Variants in ADCY7 observed in about 807,000 individuals in gnomAD.
ADCY7 encodes the protein adenylate cyclase 7.
ADCY7 carries 72 observed loss-of-function variants against 120.6 expected under a neutral mutation model. That is an observed-to-expected ratio of 0.60 (90% CI 0.49 to 0.73). The LOEUF (loss-of-function observed/expected upper bound fraction) is 0.73, where lower values mean the gene tolerates loss of function less well. ADCY7 is among the 30% of genes least tolerant of loss of function. ADCY7 has a pLI of 0.00. For synonymous variants in ADCY7, 661 were observed against 628.0 expected, an observed-to-expected ratio of 1.05 and a Z score of -0.78; for missense variants, 1,227 against 1,486.0, an observed-to-expected ratio of 0.83 and a Z score of 2.87.
chr16:50,245,827 G>C (rs370880127), upstream of ADCY7, among the ~76,000 whole-genome samples: 28 of 152,090 alleles, frequency 1.8e-4, no homozygotes, highest in African/African-American at 5.6e-4. Flanking sequence ...CCGGCCTGGC[G>C]CTCCCCAGCA....
intron 21 of ADCY7, 50 bp from the exon 22 acceptor site, chr16:50,312,840 T>C (rs760618439): frequency 3.0e-5 from 37 of 1,228,650 alleles, no homozygotes; most frequent in Middle Eastern, 2.4e-4. Context: ...CCACTCTTCC[T>C]GTCCCCTCAA....
intron 1 of ADCY7, among the ~76,000 whole-genome samples, chr16:50,286,346 C>T (rs887643936): frequency 2.7e-5 from 4 of 146,742 alleles, no homozygotes; most frequent in African/African-American, 1.0e-4. Flanking sequence ...GGAGGATTGC[C>T]TGAGCCCTGG....
intron 1 of ADCY7, among the ~76,000 whole-genome samples, chr16:50,274,623 C>T (rs2033770711): frequency 1.3e-5 from 2 of 152,110 alleles, no homozygotes; most frequent in Admixed American, 6.5e-5. Context: ...GGGCACTTTG[C>T]GAGCTGGTGT....
chr16:50,256,307 C>T (rs1016096978), intron 1 of ADCY7, among the ~76,000 whole-genome samples: 2 of 152,164 alleles, frequency 1.3e-5, no homozygotes, highest in Non-Finnish European at 2.9e-5. Context: ...AAATGACCAA[C>T]AGGTATACAA....
chr16:50,261,392 G>A (rs2033053458), intron 1 of ADCY7, among the ~76,000 whole-genome samples: 1 of 152,204 alleles, frequency 6.6e-6, no homozygotes. Context: ...TGGGTAGCAG[G>A]TGGAGGCAGA....
chr16:50,303,817 A>C (rs1191239991), intron 10 of ADCY7, among the ~76,000 whole-genome samples: 1 of 151,378 alleles, frequency 6.6e-6, no homozygotes, highest in East Asian at 1.9e-4. Flanking sequence ...TGGCTTGGCC[A>C]TTTCTCGGGG....
Position 50,307,090 on chromosome 16 carries a change from C to CCTGCGCCAGCCTGATCTTCGT in ADCY7, c.1798_1818dup (p.Ala600_Cys606dup). ...ATCCCCCGGGCCCGCCACGACTTTG[C>CCTGCGCCAGCCTGATCTTCGT]CTGCGCCAGCCTGATCTTCGTCTGC... is the stretch of plus-strand genomic sequence containing the variant. On this transcript the variant is annotated inframe_insertion, in exon 15 of 26. Transcript: ENST00000673801. 1 of 1,611,598 alleles carries CCTGCGCCAGCCTGATCTTCGT rather than the reference C, an allele frequency of 6.2e-7. No homozygotes were observed. Among genetic ancestry groups the CCTGCGCCAGCCTGATCTTCGT allele is most frequent in the Non-Finnish European group, 8.5e-7 (1 of 1,179,974 alleles).
chr16:50,291,850 TC>T lies in ADCY7; in HGVS notation c.491del (p.Ser164PhefsTer2). The part of the protein sequence containing the change: ...STASHLLVLG[S>X]LMGGFTTPSV... ...TGCCTCCCACCTCCTGGTGCTCGGT[TC>T]TTTGATGGGAGGCTTCACGACACCC... On this transcript the variant is annotated frameshift_variant, in exon 4 of 26. Transcript: ENST00000673801. LOFTEE classifies it high-confidence loss of function. 6.2e-7 allele frequency: 1 copy of T among 1,613,932 alleles called. No individual in the cohort carries two copies. Among genetic ancestry groups the T allele is most frequent in the Non-Finnish European group, 8.5e-7 (1 of 1,179,878 alleles).
chr16:50,287,993 A>C lies in ADCY7; in HGVS notation c.-187A>C. ...GGCACAGTGAGTGAGGCCTGGTGCC[A>C]GAGCTGTGCGGACCCCTTGTTGGCC... On this transcript the variant is annotated 5_prime_UTR_variant, in exon 2 of 26. Transcript: ENST00000673801. 3.5e-6 allele frequency: 2 copies of C among 578,636 alleles called. No homozygotes were observed. Among genetic ancestry groups the C allele is most frequent in the Non-Finnish European group, 2.9e-6 (1 of 348,136 alleles). The allele number at this position is 578,636 out of a possible 1,614,324, so 35.8% of individuals were successfully genotyped here. A position where few individuals can be genotyped will look rare whatever the true frequency, so the allele number is the denominator to read the frequency against.
rs762114534 is a variant in ADCY7, at chr16:50,304,974, C to T, written c.1595+15C>T. The T allele has an allele frequency of 2.5e-6, 4 of 1,613,024 alleles. No homozygotes were observed. In the African/African-American group the frequency reaches 5.3e-5, roughly 22 times the overall value. On this transcript the variant is annotated intron_variant, in intron 12 of 25. Transcript: ENST00000673801. ...ACCCCAGACAGGTGCGTGCCCTGCC[C>T]TCCTGGCCAAGTCCTGCTGCAGCCA...
At chr16:50,300,664 C>G (rs1464644517) in intron 8 of ADCY7, 51 bp from the exon 9 acceptor site, 1 of 1,542,812 alleles carries the variant, frequency 6.5e-7, no homozygotes, top group Admixed American at 2.0e-5. Flanking sequence ...GGAGCTTCAG[C>G]CTGTCCCAGG....
intron 1 of ADCY7, among the ~76,000 whole-genome samples, chr16:50,254,713 G>T (rs1383226926): frequency 6.6e-6 from 1 of 152,110 alleles, no homozygotes; most frequent in East Asian, 1.9e-4. Flanking sequence ...GCTATTCAAT[G>T]CAGCCTTTGT....
Position 50,294,690 on chromosome 16 carries a change from C to G in ADCY7, c.887C>G (p.Ser296Cys). The change falls in exon 7 of 26, where the codon TCT becomes TGT. Residue 296 changes from serine to cysteine, a missense_variant. Physicochemically the swap from Ser to Cys is moderately radical, Grantham distance 112. Around this residue, in one of 5 missense-constraint regions of ADCY7, gnomAD observed 382 missense variants for 411.4 expected, o/e 0.93. Coordinates refer to ENST00000673801, the MANE Select transcript of ADCY7 (RefSeq NM_001114.5). ...VGFTQLASDCSPKELVVVLNE... is the reference protein window; with the variant it reads ...VGFTQLASDCCPKELVVVLNE... ...TTCACGCAGCTGGCCAGCGACTGTT[C>G]TCCCAAGGAGCTGGTGGTGGTGCTG... 6.3e-7 allele frequency: 1 copy of G among 1,583,432 alleles called. No homozygotes were observed. Among genetic ancestry groups the G allele is most frequent in the Non-Finnish European group, 8.6e-7 (1 of 1,158,072 alleles).
chr16:50,272,813 G>A (rs1374071965), intron 1 of ADCY7, among the ~76,000 whole-genome samples: 1 of 152,160 alleles, frequency 6.6e-6, no homozygotes, highest in Admixed American at 6.5e-5. Context: ...CCCCAGGCCT[G>A]TCTCCGGTAC....
chr16:50,245,322 C>A (rs915160640), upstream of ADCY7, among the ~76,000 whole-genome samples: 2 of 152,170 alleles, frequency 1.3e-5, no homozygotes, highest in Non-Finnish European at 2.9e-5. Flanking sequence ...GAAGTGGGAA[C>A]CCCCAATTCC....
At chr16:50,283,189 G>A (rs1282997917) in intron 1 of ADCY7, among the ~76,000 whole-genome samples, 1 of 152,224 alleles carries the variant, frequency 6.6e-6, no homozygotes, top group East Asian at 1.9e-4. Context: ...GAGACTCTTG[G>A]TTGCGAGTGA....
At chr16:50,308,542 C>T in intron 16 of ADCY7, 125 bp from the exon 17 acceptor site, 5 of 1,553,108 alleles carry the variant, frequency 3.2e-6, no homozygotes, top group South Asian at 1.2e-5. Context: ...TCTCTCCTGC[C>T]TCGGGGACAA....
chr16:50,305,207 GA>G (rs2035979827), intron 12 of ADCY7, among the ~76,000 whole-genome samples: 1 of 152,244 alleles, frequency 6.6e-6, no homozygotes, highest in Non-Finnish European at 1.5e-5. Context: ...CGGTGGAAGG[GA>G]AGGAGATGAC....
intron 6 of ADCY7, 139 bp downstream of exon 6, chr16:50,293,641 G>T: frequency 9.4e-7 from 1 of 1,066,054 alleles, no homozygotes; most frequent in Non-Finnish European, 1.3e-6. Context: ...CATGGTTCCA[G>T]GTCAATCTGG....
Sources: gnomAD v4.1 joint callset for allele counts (sites outside exome capture counted in the v4.1 genomes callset) on GRCh38, gnomAD v4.1.1 for gene constraint, gnomAD v4.1.1 regional missense constraint, MANE v1.5 for transcripts, NCBI Gene and HGNC (gene_info 2026-07-23, HGNC 2026-07-21) for gene names.